The following THSD4 variants were observed in gnomAD, a reference collection of about 807,000 sequenced individuals.
THSD4 encodes the protein thrombospondin type 1 domain containing 4.
Under a neutral mutation model 119.0 loss-of-function variants are expected in THSD4, and 69 were observed. The observed-to-expected ratio is 0.58, with a 90% CI of 0.48 to 0.71. The LOEUF (loss-of-function observed/expected upper bound fraction) is 0.71. Ranked by LOEUF, THSD4 falls within the 30% of genes least tolerant of loss-of-function variation. The probability of loss-of-function intolerance (pLI) is 0.00; values close to 1 mark genes in which losing one functional copy is unlikely to be tolerated. For missense variants in THSD4, 1,393 were observed against 1,391.1 expected, an observed-to-expected ratio of 1.00 and a Z score of -0.02; for synonymous variants, 524 against 540.4, an observed-to-expected ratio of 0.97 and a Z score of 0.42.
chr15:71,749,264 G>A (rs1394048493), intron 14 of THSD4, among the ~76,000 whole-genome samples: 1 of 152,240 alleles, frequency 6.6e-6, no homozygotes, highest in Non-Finnish European at 1.5e-5. Flanking sequence ...AATCAAAAAT[G>A]AAGTTTGAGA....
At chr15:71,663,561 G>T (rs1438701658) in intron 8 of THSD4, among the ~76,000 whole-genome samples, 2 of 152,136 alleles carry the variant, frequency 1.3e-5, no homozygotes, top group Non-Finnish European at 1.5e-5. Flanking sequence ...TGAAGTGTAC[G>T]TTGGTTACGG....
At chr15:71,149,176 C>G (rs2040695251) in intron 2 of THSD4, among the ~76,000 whole-genome samples, 1 of 151,462 alleles carries the variant, frequency 6.6e-6, no homozygotes, top group Non-Finnish European at 1.5e-5. Context: ...GTAGCTGGGA[C>G]TACAGGCACT....
chr15:71,542,457 T>C lies in THSD4; in HGVS notation c.1153-118073T>C, dbSNP rs58430868. On this transcript the variant is annotated intron_variant, in intron 7 of 17. Transcript: ENST00000261862. ...CTGAACCACATGGTCAAGGTTAACA[T>C]CATCAGTGGTAAGTCATATTGAAAT... Among the ~76,000 whole-genome samples, 6,723 of 152,186 alleles carry C rather than the reference T, an allele frequency of 0.044. 764 individuals are homozygous for C. In the East Asian group the frequency reaches 0.46, roughly 10 times the overall value.
At chr15:71,285,355 GTAT>G (rs1037673998) in intron 6 of THSD4, among the ~76,000 whole-genome samples, 1 of 152,084 alleles carries the variant, frequency 6.6e-6, no homozygotes, top group Non-Finnish European at 1.5e-5. Flanking sequence ...TTGTTTGGTG[GTAT>G]TATTGATTTT....
chr15:71,440,324 A>G (rs10450992), intron 7 of THSD4, among the ~76,000 whole-genome samples: 147,928 of 152,292 alleles, frequency 0.97, 71,900 homozygotes, highest in East Asian at 1. Flanking sequence ...AAGGATTTTT[A>G]TATCCTTTGA....
chr15:71,749,378 C>T (rs1286682006), intron 14 of THSD4, among the ~76,000 whole-genome samples: 5 of 152,204 alleles, frequency 3.3e-5, no homozygotes, highest in Admixed American at 6.5e-5. Context: ...GGCGCATTGG[C>T]GGGCATGGGA....
At chr15:71,300,496 G>C (rs1261547685) in intron 6 of THSD4, among the ~76,000 whole-genome samples, 3 of 152,160 alleles carry the variant, frequency 2.0e-5, no homozygotes, top group Non-Finnish European at 4.4e-5. Flanking sequence ...TGAAGGATTG[G>C]CTTGGTTGAT....
At chr15:71,539,484 C>T (rs931656496) in intron 7 of THSD4, among the ~76,000 whole-genome samples, 1 of 152,182 alleles carries the variant, frequency 6.6e-6, no homozygotes, top group South Asian at 2.1e-4. Context: ...TTAGAGGTGA[C>T]ATCTGCTATG....
At chr15:71,150,058 G>C (rs1476510030) in intron 2 of THSD4, among the ~76,000 whole-genome samples, 1 of 152,126 alleles carries the variant, frequency 6.6e-6, no homozygotes, top group African/African-American at 2.4e-5. Context: ...GAAAGTCTTG[G>C]TAGGAATGTA....
At chr15:71,119,818 C>A (rs1010071497) in intron 1 of THSD4, among the ~76,000 whole-genome samples, 1 of 152,196 alleles carries the variant, frequency 6.6e-6, no homozygotes, top group Non-Finnish European at 1.5e-5. Context: ...GGGATCTGGC[C>A]GTTGACAGAT....
At position 71,590,181 on chromosome 15, in the gene THSD4, A is replaced by G. The variant is rs1461940510; in HGVS notation, c.1153-70349A>G. ...AGACAAATCTGGGTGATGGAAACCCAAGTGTTTGTGGTGTCATTCCCTATC... is the reference window on the plus strand; with the variant it reads ...AGACAAATCTGGGTGATGGAAACCCGAGTGTTTGTGGTGTCATTCCCTATC... On this transcript the variant is annotated intron_variant, in intron 7 of 17. Transcript: ENST00000261862. Among the ~76,000 whole-genome samples, 10 of 138,438 alleles carry G rather than the reference A, an allele frequency of 7.2e-5. 2 individuals carry two copies. Among genetic ancestry groups the G allele is most frequent in the Non-Finnish European group, 1.1e-4 (7 of 61,002 alleles). 90.8% of individuals were successfully genotyped at this position (138,438 alleles called of 152,430 possible). A position where few individuals can be genotyped will look rare whatever the true frequency, so the allele number is the denominator to read the frequency against.
intron 6 of THSD4, among the ~76,000 whole-genome samples, chr15:71,295,101 A>T (rs1294545493): frequency 6.6e-6 from 1 of 152,018 alleles, no homozygotes; most frequent in Non-Finnish European, 1.5e-5. Context: ...CTTAAGATAA[A>T]CAGATTGGGC....
Position 71,239,676 on chromosome 15 carries a change from C to T in THSD4, c.465-2973C>T, listed in dbSNP as rs192957369. On this transcript the variant is annotated intron_variant, in intron 4 of 17. Coordinates refer to ENST00000261862, the MANE Select transcript of THSD4 (RefSeq NM_024817.3). ...CGAACTACTCAACAGCTCCCCTGGG[C>T]GCCTACCACATGATTCTCCTGAAGG... 1.3e-3 allele frequency among the ~76,000 whole-genome samples: 203 copies of T among 152,326 alleles called. 1 individual carries two copies. The highest frequency in any genetic ancestry group is 1.7e-3 in the Non-Finnish European group (117 of 68,034).
intron 6 of THSD4, among the ~76,000 whole-genome samples, chr15:71,280,857 T>C (rs1254352512): frequency 2.0e-5 from 3 of 152,250 alleles, no homozygotes. Flanking sequence ...ACTACATTAC[T>C]GAAGGCTGTG....
At chr15:71,264,320 T>G (rs1254221842) in intron 6 of THSD4, among the ~76,000 whole-genome samples, 1 of 152,182 alleles carries the variant, frequency 6.6e-6, no homozygotes, top group African/African-American at 2.4e-5. Context: ...GGGGCAGACC[T>G]TAGAGAAATG....
chr15:71,195,497 G>A (rs1377509781), intron 3 of THSD4, among the ~76,000 whole-genome samples: 1 of 152,186 alleles, frequency 6.6e-6, no homozygotes, highest in Non-Finnish European at 1.5e-5. Context: ...GACCCCTCTA[G>A]GGGGCACAGA....
chr15:71,386,967 A>G (rs2046301303), intron 6 of THSD4, among the ~76,000 whole-genome samples: 1 of 152,218 alleles, frequency 6.6e-6, no homozygotes, highest in Non-Finnish European at 1.5e-5. Context: ...TATTTGCATT[A>G]CACTGCTTGC....
chr15:71,623,286 T>C (rs902459527), intron 7 of THSD4, among the ~76,000 whole-genome samples: 8 of 152,316 alleles, frequency 5.3e-5, no homozygotes, highest in Non-Finnish European at 7.3e-5. Context: ...AACTACCATT[T>C]ATTGAATGTT....
At chr15:71,558,927 C>T (rs947412247) in intron 7 of THSD4, among the ~76,000 whole-genome samples, 8 of 151,900 alleles carry the variant, frequency 5.3e-5, no homozygotes, top group Non-Finnish European at 8.8e-5. Context: ...GTGGTATGTG[C>T]GATGCTGATT....
Sources: allele counts gnomAD v4.1 joint callset (sites outside exome capture counted in the v4.1 genomes callset), GRCh38; gene constraint gnomAD v4.1.1; transcripts MANE v1.5; gene names NCBI Gene and HGNC (gene_info 2026-07-23, HGNC 2026-07-21).